Variants in SYNRG observed in about 807,000 individuals in gnomAD.
SYNRG encodes the protein AP1 gamma subunit binding protein 1.
SYNRG carries 37 observed loss-of-function variants against 130.9 expected under a neutral mutation model. That is an observed-to-expected ratio of 0.28 (90% CI 0.22 to 0.37). The LOEUF is 0.37. SYNRG is among the 10% of genes least tolerant of loss of function. The pLI, the probability that SYNRG is intolerant of heterozygous loss-of-function variation, is 1.00. For missense variants in SYNRG, 1,338 were observed against 1,588.9 expected, an observed-to-expected ratio of 0.84 and a Z score of 2.68; for synonymous variants, 539 against 568.1, an observed-to-expected ratio of 0.95 and a Z score of 0.73.
Position 37,553,606 on chromosome 17 carries a change from T to G in SYNRG, c.2117A>C (p.Gln706Pro), listed in dbSNP as rs745669620. ...AFSNSSISSEQKPDDKYDALK... is the reference protein window; with the variant it reads ...AFSNSSISSEPKPDDKYDALK... ...GGCATCATATTTGTCATCCGGCTTTTGCTCAGATGAAATAGAGCTATTACT... is the reference window on the plus strand; with the variant it reads ...GGCATCATATTTGTCATCCGGCTTTGGCTCAGATGAAATAGAGCTATTACT... Residue 706 changes from glutamine to proline, a missense_variant, in exon 14 of 22, where the codon CAA (glutamine) becomes CCA (proline). Coordinates refer to ENST00000612223, the MANE Select transcript of SYNRG (RefSeq NM_007247.6). 1 of 1,614,026 alleles carries G rather than the reference T, an allele frequency of 6.2e-7. No individual in the cohort carries two copies. The highest frequency in any genetic ancestry group is 1.1e-5 in the South Asian group (1 of 91,036).
chr17:37,521,214 G>C (rs1017047398), intron 19 of SYNRG, among the ~76,000 whole-genome samples: 2 of 151,948 alleles, frequency 1.3e-5, no homozygotes, highest in African/African-American at 4.8e-5. Context: ...ATTTTTAGTA[G>C]AGACAGGGCT....
At position 37,516,168 on chromosome 17, in the gene SYNRG, T is replaced by C. The variant is rs2054410651; in HGVS notation, c.*2772A>G. On this transcript the variant is annotated 3_prime_UTR_variant, in exon 22 of 22. Coordinates refer to ENST00000612223, the MANE Select transcript of SYNRG (RefSeq NM_007247.6). ...AGTGGGGTGAAGCGGGCTGACACAATGCACAGTATGGAAATAAGTAACCTT... is the reference window on the plus strand; with the variant it reads ...AGTGGGGTGAAGCGGGCTGACACAACGCACAGTATGGAAATAAGTAACCTT... 1 of 152,144 alleles carries C rather than the reference T, an allele frequency of 6.6e-6. No individual in the cohort carries two copies. Among genetic ancestry groups the C allele is most frequent in the Admixed American group, 6.6e-5 (1 of 15,264 alleles). The allele number at this position is 152,144 out of a possible 1,614,324, so 9.4% of individuals were successfully genotyped here.
intron 1 of SYNRG, chr17:37,605,959 C>A: frequency 1.0e-6 from 1 of 985,396 alleles, no homozygotes; most frequent in Non-Finnish European, 1.2e-6. Flanking sequence ...GTTTCTAATT[C>A]ATCTGATGCA....
chr17:37,577,639 T>C lies in SYNRG; in HGVS notation c.590-26A>G, dbSNP rs1416372921. 7 of 1,573,472 alleles carry C rather than the reference T, an allele frequency of 4.4e-6. No individual in the cohort carries two copies. In the East Asian group the frequency reaches 8.9e-5, roughly 20 times the overall value. ...CTAAACAAAGAGCATGAAGGATTAT[T>C]TGTATATAACTGTATATGTCTAATC... On this transcript the variant is annotated intron_variant, in intron 6 of 21. Transcript: ENST00000612223.
intron 20 of SYNRG, 55 bp from the exon 21 acceptor site, chr17:37,520,269 C>T (rs1396396441): frequency 5.0e-6 from 8 of 1,606,724 alleles, no homozygotes; most frequent in Non-Finnish European, 6.8e-6. Context: ...GGGCCTCTTG[C>T]CTCCAAACAC....
chr17:37,576,649 T>C (rs151180618), intron 7 of SYNRG, among the ~76,000 whole-genome samples: 133 of 152,348 alleles, frequency 8.7e-4, no homozygotes, highest in African/African-American at 3.1e-3. Flanking sequence ...AAAACTAAAA[T>C]GTATCAAATC....
intron 6 of SYNRG, 82 bp from the exon 7 acceptor site, chr17:37,577,695 C>A: frequency 4.4e-4 from 259 of 583,996 alleles, no homozygotes; most frequent in Non-Finnish European, 6.5e-4. Flanking sequence ...CCCCCATATT[C>A]TTTTTTTTTT....
intron 19 of SYNRG, chr17:37,529,718 ATC>A: frequency 6.8e-7 from 1 of 1,466,624 alleles, no homozygotes; most frequent in Non-Finnish European, 9.3e-7. Context: ...CAACCCAGGA[ATC>A]TCCCCACTTA....
At chr17:37,546,424 G>C (rs181336177) in intron 14 of SYNRG, among the ~76,000 whole-genome samples, 7 of 152,306 alleles carry the variant, frequency 4.6e-5, no homozygotes, top group Non-Finnish European at 8.8e-5. Flanking sequence ...GCATACATCT[G>C]TTTGCAATCA....
At chr17:37,586,670 G>A in intron 3 of SYNRG, 121 bp from the exon 4 acceptor site, 8 of 1,140,474 alleles carry the variant, frequency 7.0e-6, no homozygotes, top group South Asian at 3.4e-5. Flanking sequence ...GAAATATATT[G>A]GATTAAAAGA....
In SYNRG at chr17:37,515,259, T is replaced by C. The variant is rs2054336618; in HGVS notation, c.*3681A>G. Reference sequence around the variant, plus strand: ...GGGGAGGGCTTTTCAGTATTGTTATTTGGTACACACTTACCTGAAGAAATA... The same window carrying C: ...GGGGAGGGCTTTTCAGTATTGTTATCTGGTACACACTTACCTGAAGAAATA... On this transcript the variant is annotated 3_prime_UTR_variant, in exon 22 of 22. Coordinates refer to ENST00000612223, the MANE Select transcript of SYNRG (RefSeq NM_007247.6). 1 of 152,204 alleles carries C rather than the reference T, an allele frequency of 6.6e-6. No individual in the cohort carries two copies. Among genetic ancestry groups the C allele is most frequent in the Non-Finnish European group, 1.5e-5 (1 of 68,036 alleles). 9.4% of individuals were successfully genotyped at this position (152,204 alleles called of 1,614,324 possible).
At chr17:37,574,780 G>C (rs375201648) in intron 8 of SYNRG, among the ~76,000 whole-genome samples, 25 of 152,176 alleles carry the variant, frequency 1.6e-4, no homozygotes, top group African/African-American at 6.0e-4. Context: ...GTGGAGAAAA[G>C]GGAACCCAAG....
chr17:37,526,097 C>T (rs1190129482), intron 19 of SYNRG, among the ~76,000 whole-genome samples: 1 of 152,014 alleles, frequency 6.6e-6, no homozygotes, highest in Admixed American at 6.6e-5. Flanking sequence ...TGCACCACTG[C>T]ACTCCAGCCT....
intron 3 of SYNRG, 69 bp from the exon 4 acceptor site, chr17:37,586,618 C>T (rs919147340): frequency 1.9e-6 from 3 of 1,561,168 alleles, no homozygotes; most frequent in East Asian, 4.5e-5. Flanking sequence ...AAAAATGTGA[C>T]TTCCATAAAT....
In SYNRG at chr17:37,517,855, C is replaced by T. The variant is rs1025364181; in HGVS notation, c.*1085G>A. On this transcript the variant is annotated 3_prime_UTR_variant, in exon 22 of 22. Transcript: ENST00000612223. ...GGTTTTTCCCCTAATTTTATGCATT[C>T]ACATTAAATGGCAAAGACAATTCCC... 6.6e-6 allele frequency: 1 copy of T among 152,144 alleles called. No individual in the cohort carries two copies. Among genetic ancestry groups the T allele is most frequent in the Non-Finnish European group, 1.5e-5 (1 of 68,034 alleles). 9.4% of individuals were successfully genotyped at this position (152,144 alleles called of 1,614,324 possible).
intron 8 of SYNRG, among the ~76,000 whole-genome samples, chr17:37,575,393 C>T (rs777651225): frequency 2.2e-4 from 33 of 151,918 alleles, no homozygotes; most frequent in Non-Finnish European, 4.6e-4. Flanking sequence ...CATTGTATGT[C>T]TGTATCAAAG....
At position 37,609,302 on chromosome 17, in the gene SYNRG, G is replaced by A. The variant is rs2064183198; in HGVS notation, c.54C>T (p.Gly18=). Residue 18 remains glycine (G), a synonymous_variant, in exon 1 of 22, where the codon GGC becomes GGT. Transcript: ENST00000612223. ...GSGGGGAAGA[G]AGSAGGGGFM... Reference sequence around the variant, plus strand: ...ACCCGCCTCCCCCGGCGGACCCCGCGCCAGCTCCCGCGGCCCCGCCGCCAC... The same window carrying A: ...ACCCGCCTCCCCCGGCGGACCCCGCACCAGCTCCCGCGGCCCCGCCGCCAC... 2 of 1,460,956 alleles carry A rather than the reference G, an allele frequency of 1.4e-6. No individual in the cohort carries two copies. The highest frequency in any genetic ancestry group is 1.3e-5 in the South Asian group (1 of 75,942). 90.5% of individuals were successfully genotyped at this position (1,460,956 alleles called of 1,614,324 possible).
At chr17:37,599,459 G>A (rs1466342090) in intron 2 of SYNRG, among the ~76,000 whole-genome samples, 5 of 152,246 alleles carry the variant, frequency 3.3e-5, no homozygotes, top group Non-Finnish European at 5.9e-5. Flanking sequence ...GGTGGCTCAT[G>A]CCTGTAATCC....
intron 19 of SYNRG, among the ~76,000 whole-genome samples, chr17:37,524,273 A>AAAGCAAAATTATATGATCTGTATTT (rs2055542465): frequency 1.3e-5 from 2 of 152,230 alleles, no homozygotes; most frequent in Non-Finnish European, 2.9e-5. Flanking sequence ...TTTGAGCAAC[A>AAAGCAAAATTATATGATCTGTATTT]AAGCAAAATT....
Sources: allele counts gnomAD v4.1 joint callset (sites outside exome capture counted in the v4.1 genomes callset), GRCh38; gene constraint gnomAD v4.1.1; transcripts MANE v1.5; gene names NCBI Gene and HGNC (gene_info 2026-07-23, HGNC 2026-07-21).